FBXO16: variants seen among roughly 807,000 people sequenced by gnomAD.
FBXO16 encodes the protein F-box only protein 16.
A neutral mutation model predicts 41.0 loss-of-function variants in FBXO16; 31 were observed. The observed-to-expected ratio is 0.76, with a 90% confidence interval of 0.57 to 1.02. The LOEUF (loss-of-function observed/expected upper bound fraction) is 1.02. Among genes scored for constraint, FBXO16 ranks in the 50% least tolerant of loss-of-function variants. The pLI, the probability that FBXO16 is intolerant of heterozygous loss-of-function variation, is 0.00. For missense variants in FBXO16, 361 were observed against 346.2 expected (o/e 1.04, Z -0.34); for synonymous variants, 133 against 117.8 (o/e 1.13, Z -0.84).
chr8:28,450,871 G>T (rs940117595), intron 6 of FBXO16, among the ~76,000 whole-genome samples: 1 of 152,180 alleles, frequency 6.6e-6, no homozygotes, highest in African/African-American at 2.4e-5. Flanking sequence ...GAGTCTGATC[G>T]CTTGAGTCTG....
intron 4 of FBXO16, among the ~76,000 whole-genome samples, chr8:28,461,083 CTTTT>C (rs60769796): frequency 2.2e-5 from 3 of 136,456 alleles, no homozygotes; most frequent in African/African-American, 2.7e-5. Context: ...TATACCTCTG[CTTTT>C]TTTTTTTTTT....
chr8:28,463,203 T>C (rs1267249446), intron 4 of FBXO16, among the ~76,000 whole-genome samples: 1 of 151,240 alleles, frequency 6.6e-6, no homozygotes, highest in Non-Finnish European at 1.5e-5. Context: ...TTTGTGTATG[T>C]GTTTGTGTGT....
intron 1 of FBXO16, among the ~76,000 whole-genome samples, chr8:28,485,003 G>C (rs977509741): frequency 4.6e-5 from 7 of 152,132 alleles, no homozygotes; most frequent in Admixed American, 1.3e-4. Context: ...AGCTCCCCTA[G>C]TAGCTGATTG....
chr8:28,463,364 G>A (rs1017897350), intron 4 of FBXO16, among the ~76,000 whole-genome samples: 1 of 145,112 alleles, frequency 6.9e-6, no homozygotes, highest in African/African-American at 2.5e-5. Context: ...GTGTATATGT[G>A]TGTATATGTG....
chr8:28,475,520 C>A lies in FBXO16; in HGVS notation c.100-1713G>T, dbSNP rs76901774. ...GTAGAACACAGAAGATTCAAAGTATCTGGATTCAAATATTGTCTGAATTCT... is the reference window on the plus strand; with the variant it reads ...GTAGAACACAGAAGATTCAAAGTATATGGATTCAAATATTGTCTGAATTCT... On this transcript the variant is annotated intron_variant, in intron 2 of 8. Transcript: ENST00000380254. Among the ~76,000 whole-genome samples, 471 of 152,314 alleles carry A rather than the reference C, an allele frequency of 3.1e-3. 1 individual carries two copies. The highest frequency in any genetic ancestry group is 0.011 in the African/African-American group (444 of 41,574).
intron 7 of FBXO16, among the ~76,000 whole-genome samples, chr8:28,441,462 G>A (rs548490718): frequency 2.6e-5 from 4 of 152,256 alleles, no homozygotes; most frequent in East Asian, 1.9e-4. Context: ...AGGGCTGGGC[G>A]CAGGGGCTCA....
At chr8:28,483,234 T>A in intron 2 of FBXO16, 114 bp downstream of exon 2, 1 of 960,980 alleles carries the variant, frequency 1.0e-6, no homozygotes, top group South Asian at 1.9e-5. Flanking sequence ...TGGTTTTTAT[T>A]CATCCATTAC....
intron 2 of FBXO16, among the ~76,000 whole-genome samples, chr8:28,475,342 T>C (rs1383206429): frequency 6.6e-6 from 1 of 152,158 alleles, no homozygotes; most frequent in Admixed American, 6.5e-5. Flanking sequence ...GGCCAGGGAA[T>C]CTCTTCTGTC....
intron 7 of FBXO16, among the ~76,000 whole-genome samples, chr8:28,437,684 G>A (rs1349061098): frequency 6.6e-6 from 1 of 152,166 alleles, no homozygotes; most frequent in East Asian, 1.9e-4. Flanking sequence ...AACAGCCTGG[G>A]CAACATAGTG....
intron 4 of FBXO16, among the ~76,000 whole-genome samples, chr8:28,463,361 T>C (rs1803173784): frequency 6.9e-6 from 1 of 145,500 alleles, no homozygotes; most frequent in African/African-American, 2.5e-5. Flanking sequence ...TTTGTGTATA[T>C]GTGTGTATAT....
intron 2 of FBXO16, among the ~76,000 whole-genome samples, chr8:28,477,472 G>A (rs1034648149): frequency 6.6e-6 from 1 of 152,192 alleles, no homozygotes; most frequent in African/African-American, 2.4e-5. Flanking sequence ...ATTTTACAAA[G>A]GAGGATAAAG....
chr8:28,455,586 G>T (rs1248691290), intron 5 of FBXO16: 1 of 152,130 alleles, frequency 6.6e-6, no homozygotes, highest in Admixed American at 6.5e-5. Flanking sequence ...CATTTTACTA[G>T]TTGGTTAATC....
At chr8:28,441,906 A>ATGTG (rs748888213) in intron 7 of FBXO16, among the ~76,000 whole-genome samples, 16 of 139,462 alleles carry the variant, frequency 1.1e-4, no homozygotes, top group South Asian at 6.8e-4. Flanking sequence ...CAGTGTATAT[A>ATGTG]TATATGTGTG....
At chr8:28,432,126 G>GGA (rs1802614347) in intron 7 of FBXO16, among the ~76,000 whole-genome samples, 1 of 115,546 alleles carries the variant, frequency 8.7e-6, no homozygotes, top group African/African-American at 3.4e-5. Context: ...GGCTATGTAT[G>GGA]GAGTGTGTGT....
At chr8:28,457,003 G>C in intron 4 of FBXO16, 73 bp from the exon 5 acceptor site, 1 of 1,502,600 alleles carries the variant, frequency 6.7e-7, no homozygotes, top group South Asian at 1.3e-5. Flanking sequence ...CTTTCTCTAG[G>C]TTTTGAGCTG....
chr8:28,480,061 T>C (rs1803487026), intron 2 of FBXO16, among the ~76,000 whole-genome samples: 1 of 152,068 alleles, frequency 6.6e-6, no homozygotes, highest in Non-Finnish European at 1.5e-5. Flanking sequence ...ATAGATTTGC[T>C]TGGTGTTCCT....
At chr8:28,465,109 A>G in intron 3 of FBXO16, 1 of 146,418 alleles carries the variant, frequency 6.8e-6, no homozygotes, top group South Asian at 1.9e-4. Context: ...AATTTATTTG[A>G]TTTTTTTTTT....
intron 2 of FBXO16, among the ~76,000 whole-genome samples, chr8:28,477,868 C>T (rs144236436): frequency 6.6e-5 from 10 of 152,046 alleles, no homozygotes; most frequent in Non-Finnish European, 1.5e-4. Flanking sequence ...ACAAATTAGC[C>T]GGGCATGGTG....
chr8:28,448,232 T>G (rs750945314), intron 6 of FBXO16, among the ~76,000 whole-genome samples: 1 of 150,766 alleles, frequency 6.6e-6, no homozygotes, highest in Non-Finnish European at 1.5e-5. Context: ...TTCCAGCTAC[T>G]CAGGAGGCTG....
Sources: allele counts gnomAD v4.1 joint callset (sites outside exome capture counted in the v4.1 genomes callset), GRCh38; gene constraint gnomAD v4.1.1; transcripts MANE v1.5; gene names NCBI Gene and HGNC (gene_info 2026-07-23, HGNC 2026-07-21).